The following ZBTB8A variants were observed in gnomAD, a reference collection of about 807,000 sequenced individuals.
ZBTB8A encodes zinc finger and BTB domain-containing protein 8A.
In ZBTB8A, 19 loss-of-function variants were observed where a neutral mutation model predicts 37.8. That is an observed-to-expected ratio of 0.50 (90% CI 0.35 to 0.74). ZBTB8A has a LOEUF of 0.74. Among genes scored for constraint, ZBTB8A ranks in the 30% least tolerant of loss-of-function variants. The probability of loss-of-function intolerance (pLI) is 0.01; values close to 1 mark genes in which losing one functional copy is unlikely to be tolerated. For synonymous variants in ZBTB8A, 181 were observed against 185.2 expected (o/e 0.98, Z 0.19); for missense variants, 394 against 537.8 (o/e 0.73, Z 2.65).
In ZBTB8A at chr1:32,602,958, G is replaced by A. The variant is rs1369216577; in HGVS notation, c.*2539G>A. On this transcript the variant is annotated 3_prime_UTR_variant, in exon 5 of 5. Coordinates refer to ENST00000373510, the MANE Select transcript of ZBTB8A (RefSeq NM_001040441.3). ...TTATTGTCCTTGATACCAATTTCTA[G>A]GCTAAATTGGTTACTTTCTTTTAAA... 6.6e-6 allele frequency: 1 copy of A among 151,976 alleles called. No individual in the cohort carries two copies. The highest frequency in any genetic ancestry group is 2.1e-4 in the South Asian group (1 of 4,820). 9.4% of individuals were successfully genotyped at this position (151,976 alleles called of 1,614,324 possible).
rs1644503008 is a variant in ZBTB8A, at chr1:32,593,159, T to C, written c.228T>C (p.Phe76=). Residue 76 remains phenylalanine, a synonymous_variant, in exon 3 of 5, where the codon TTT becomes TTC. Transcript: ENST00000373510. ...TTCAGGCTTTCTCCCCTGACACTTT[T>C]ACAGTTATCTTGGACTTCGTATATT... ...ATFQAFSPDT[F]TVILDFVYSG... is the part of the protein sequence containing the mutation. 6.2e-7 allele frequency: 1 copy of C among 1,614,230 alleles called. No individual in the cohort carries two copies. Among genetic ancestry groups the C allele is most frequent in the South Asian group, 1.1e-5 (1 of 91,088 alleles).
intron 2 of ZBTB8A, among the ~76,000 whole-genome samples, chr1:32,575,472 G>A (rs1446538562): frequency 6.6e-6 from 1 of 150,696 alleles, no homozygotes; most frequent in Non-Finnish European, 1.5e-5. Context: ...TGATCTGCCC[G>A]CCTCAGCCTC....
intron 2 of ZBTB8A, among the ~76,000 whole-genome samples, chr1:32,556,134 C>T (rs571601358): frequency 3.3e-5 from 5 of 151,906 alleles, no homozygotes; most frequent in Admixed American, 1.3e-4. Flanking sequence ...AGTGCAGTAA[C>T]GTGATCTCAG....
intron 1 of ZBTB8A, among the ~76,000 whole-genome samples, chr1:32,543,403 C>T (rs1644073786): frequency 6.6e-6 from 1 of 152,024 alleles, no homozygotes; most frequent in Non-Finnish European, 1.5e-5. Context: ...AACTCTTACG[C>T]CATAAAATTT....
At chr1:32,589,345 G>A (rs550493179) in intron 2 of ZBTB8A, among the ~76,000 whole-genome samples, 2 of 151,898 alleles carry the variant, frequency 1.3e-5, no homozygotes, top group African/African-American at 4.8e-5. Context: ...CTGCCTCCCA[G>A]GTTCAAGCGA....
At chr1:32,548,865 C>T (rs1644127643) in intron 1 of ZBTB8A, among the ~76,000 whole-genome samples, 1 of 152,112 alleles carries the variant, frequency 6.6e-6, no homozygotes, top group South Asian at 2.1e-4. Context: ...ATTATTGTCC[C>T]TGTATTAGTC....
chr1:32,595,245 C>T (rs763162228), intron 4 of ZBTB8A, 22 bp downstream of exon 4: 15 of 1,596,140 alleles, frequency 9.4e-6, no homozygotes, highest in Middle Eastern at 1.7e-4. Context: ...TTTTTTTCAT[C>T]GTTTTACTAA....
intron 1 of ZBTB8A, among the ~76,000 whole-genome samples, chr1:32,545,339 A>G (rs1283102522): frequency 6.6e-6 from 1 of 152,184 alleles, no homozygotes; most frequent in Non-Finnish European, 1.5e-5. Flanking sequence ...ATGATTAATG[A>G]TGCTAAACAT....
At chr1:32,562,117 G>GT (rs1449753693) in intron 2 of ZBTB8A, among the ~76,000 whole-genome samples, 66 of 137,208 alleles carry the variant, frequency 4.8e-4, no homozygotes, top group African/African-American at 1.7e-3. Context: ...TTTAATTTTT[G>GT]TTTGTTTTTT....
At chr1:32,541,650 G>T (rs560590224) in intron 1 of ZBTB8A, among the ~76,000 whole-genome samples, 1 of 152,266 alleles carries the variant, frequency 6.6e-6, no homozygotes, top group African/African-American at 2.4e-5. Context: ...TCTAGTGAGG[G>T]CTGCTCTTTG....
intron 1 of ZBTB8A, among the ~76,000 whole-genome samples, chr1:32,541,954 CT>C (rs1356525371): frequency 1.3e-5 from 2 of 152,160 alleles, no homozygotes; most frequent in East Asian, 1.9e-4. Flanking sequence ...AATGGCTTGA[CT>C]TACGATTTTT....
intron 2 of ZBTB8A, among the ~76,000 whole-genome samples, chr1:32,567,806 AAAAAAAAAAAAAAAAAACAAAAAC>A (rs1644292499): frequency 2.2e-5 from 1 of 45,524 alleles, no homozygotes; most frequent in Admixed American, 2.6e-4. Flanking sequence ...AAAAAAAAAA[AAAAAAAAAAAAAAAAAACAAAAAC>A]AAAACAAAAC....
intron 4 of ZBTB8A, among the ~76,000 whole-genome samples, chr1:32,599,643 G>A (rs927652513): frequency 3.3e-5 from 5 of 152,162 alleles, no homozygotes; most frequent in Admixed American, 6.5e-5. Flanking sequence ...CATGAACCCC[G>A]GAGGCGGAGG....
intron 2 of ZBTB8A, among the ~76,000 whole-genome samples, chr1:32,569,504 C>T (rs1644308879): frequency 6.6e-6 from 1 of 150,446 alleles, no homozygotes; most frequent in African/African-American, 2.4e-5. Flanking sequence ...CGCCATTCTC[C>T]TGCCTCAGCC....
At chr1:32,568,544 G>A (rs1204551565) in intron 2 of ZBTB8A, among the ~76,000 whole-genome samples, 1 of 152,050 alleles carries the variant, frequency 6.6e-6, no homozygotes, top group African/African-American at 2.4e-5. Flanking sequence ...CCGCCACTAC[G>A]CCCGGCTAAT....
intron 2 of ZBTB8A, among the ~76,000 whole-genome samples, chr1:32,573,210 A>T (rs1570344104): frequency 6.8e-6 from 1 of 147,824 alleles, no homozygotes; most frequent in Non-Finnish European, 1.5e-5. Flanking sequence ...AGCTGGGATT[A>T]CAGGTGCGTG....
chr1:32,561,672 CAGGTGTG>C (rs1261102008), intron 2 of ZBTB8A, among the ~76,000 whole-genome samples: 1 of 152,096 alleles, frequency 6.6e-6, no homozygotes, highest in Non-Finnish European at 1.5e-5. Context: ...GCTAGGATTA[CAGGTGTG>C]AGCCACCTCA....
Position 32,604,042 on chromosome 1 carries a change from TA to T in ZBTB8A, c.*3625del, listed in dbSNP as rs1250907351. ...TACATAGGGGTATAATCTGTTTAAA[TA>T]AGCTTTATTTATGCCAAGGATTTTT... On this transcript the variant is annotated 3_prime_UTR_variant, in exon 5 of 5. Transcript: ENST00000373510. 1 of 152,186 alleles carries T rather than the reference TA, an allele frequency of 6.6e-6. No individual in the cohort carries two copies. The highest frequency in any genetic ancestry group is 2.4e-5 in the African/African-American group (1 of 41,430). 9.4% of individuals were successfully genotyped at this position (152,186 alleles called of 1,614,324 possible). A position where few individuals can be genotyped will look rare whatever the true frequency, so the allele number is the denominator to read the frequency against.
rs1206999032 is a variant in ZBTB8A at position 32,593,216 on chromosome 1, C to A, written c.285C>A (p.Val95=). The A allele has an allele frequency of 6.2e-7, 1 of 1,614,164 alleles. No individual in the cohort carries two copies. Among genetic ancestry groups the A allele is most frequent in the Non-Finnish European group, 8.5e-7 (1 of 1,180,044 alleles). Residue 95 remains valine, a synonymous_variant, in exon 3 of 5, where the codon GTC becomes GTA. Coordinates refer to ENST00000373510, the MANE Select transcript of ZBTB8A (RefSeq NM_001040441.3). ...SGKLSLTGQN[V]IEVMSAASFL... ...AACTGTCTCTTACTGGTCAGAATGT[C>A]ATAGAAGTGATGTCGGCTGCTAGCT...
Sources: allele counts gnomAD v4.1 joint callset (sites outside exome capture counted in the v4.1 genomes callset), GRCh38; gene constraint gnomAD v4.1.1; transcripts MANE v1.5; gene names NCBI Gene and HGNC (gene_info 2026-07-23, HGNC 2026-07-21).